ZNF525: variants seen among roughly 807,000 people sequenced by gnomAD.
The protein encoded by ZNF525 is zinc finger protein 525.
A neutral mutation model predicts 37.6 loss-of-function variants in ZNF525; 33 were observed. The ratio of observed to expected loss-of-function variants is 0.88; its 90% CI spans 0.67 to 1.17. ZNF525 has a LOEUF of 1.17. Ranked by LOEUF, ZNF525 falls within the 50% of genes most tolerant of loss-of-function variation. The pLI is 0.00. For missense variants in ZNF525, 449 were observed against 543.1 expected (o/e 0.83, Z 1.72); for synonymous variants, 170 against 182.3 (o/e 0.93, Z 0.54).
chr19:53,374,945 A>G (rs1568757842), intron 2 of ZNF525, among the ~76,000 whole-genome samples: 1 of 152,058 alleles, frequency 6.6e-6, no homozygotes, highest in Non-Finnish European at 1.5e-5. Context: ...GTGTGATCTT[A>G]GCTCACTGTA....
chr19:53,373,255 G>C (rs560279162), intron 2 of ZNF525, among the ~76,000 whole-genome samples: 1 of 152,148 alleles, frequency 6.6e-6, no homozygotes, highest in Non-Finnish European at 1.5e-5. Context: ...ACCATGCCAA[G>C]CTAATTTTGT....
Position 53,383,654 on chromosome 19 carries a change from C to A in ZNF525, c.*1635C>A. On this transcript the variant is annotated 3_prime_UTR_variant, in exon 4 of 4. Coordinates refer to ENST00000474037, the MANE Select transcript of ZNF525 (RefSeq NM_001348156.2). ...CCGTAGTGTAGGGAAACTTGACTAA[C>A]GTAATGATTCTCACAACGTCTTCAG... 1 of 916,198 alleles carries A rather than the reference C, an allele frequency of 1.1e-6. No individual in the cohort carries two copies. Among genetic ancestry groups the A allele is most frequent in the Non-Finnish European group, 1.6e-6 (1 of 610,406 alleles). The allele number at this position is 916,198 out of a possible 1,614,324, so 56.8% of individuals were successfully genotyped here.
chr19:53,366,540 GAA>G (rs57967171), intron 1 of ZNF525, among the ~76,000 whole-genome samples: 53,644 of 123,998 alleles, frequency 0.43, 12,540 homozygotes, highest in Non-Finnish European at 0.55. Flanking sequence ...CAGCAAAAGT[GAA>G]AAAAAAAAAA....
intron 1 of ZNF525, among the ~76,000 whole-genome samples, chr19:53,370,927 G>A (rs1022210206): frequency 1.3e-5 from 2 of 152,162 alleles, no homozygotes; most frequent in Non-Finnish European, 2.9e-5. Flanking sequence ...CCTCCTCCTG[G>A]GAGCTTGCCC....
chr19:53,380,835 T>C lies in ZNF525; in HGVS notation c.256T>C (p.Ser86Pro). The C allele has an allele frequency of 6.9e-7, 1 of 1,444,590 alleles. No homozygotes were observed. The highest frequency in any genetic ancestry group is 9.7e-7 in the Non-Finnish European group (1 of 1,025,650). 89.5% of individuals were successfully genotyped at this position (1,444,590 alleles called of 1,614,324 possible). The change falls in exon 4 of 4, where the codon TCC becomes CCC. Residue 86 changes from serine (S) to proline (P), a missense_variant. This residue lies in a region of ZNF525 where 271 missense variants were observed against 381.6 expected (regional missense o/e 0.71). Transcript: ENST00000474037. ...TGAACGTCATCACATTGGAGATTTT[T>C]CCTTCCAGGAAATTGAGAAAGATAT... ...RHERHHIGDF[S>P]FQEIEKDIHN... is the part of the protein sequence containing the mutation.
intron 3 of ZNF525, among the ~76,000 whole-genome samples, chr19:53,378,836 A>G (rs1270569408): frequency 6.6e-6 from 1 of 152,232 alleles, no homozygotes; most frequent in African/African-American, 2.4e-5. Context: ...CTATTGGAGA[A>G]TAAGAACTCT....
rs1404690880 is a variant in ZNF525, at chr19:53,383,430, C to T, written c.*1411C>T. 7 of 1,047,990 alleles carry T rather than the reference C, an allele frequency of 6.7e-6. No individual in the cohort carries two copies. Among genetic ancestry groups the T allele is most frequent in the South Asian group, 3.8e-5 (3 of 79,312 alleles). The allele number at this position is 1,047,990 out of a possible 1,614,324, so 64.9% of individuals were successfully genotyped here. ...TGAAGAATGTGACAAAGTTTACAGTCGCAAATCAAACCTCGAAAGACAGGA... is the reference window on the plus strand; with the variant it reads ...TGAAGAATGTGACAAAGTTTACAGTTGCAAATCAAACCTCGAAAGACAGGA... On this transcript the variant is annotated 3_prime_UTR_variant, in exon 4 of 4. Coordinates refer to ENST00000474037, the MANE Select transcript of ZNF525 (RefSeq NM_001348156.2).
intron 3 of ZNF525, among the ~76,000 whole-genome samples, chr19:53,378,568 G>T (rs2085537953): frequency 6.6e-6 from 1 of 152,116 alleles, no homozygotes; most frequent in South Asian, 2.1e-4. Flanking sequence ...TAAACTGGGA[G>T]GCTTAAGACA....
At position 53,381,539 on chromosome 19, in the gene ZNF525, TC is replaced by T; in HGVS notation, c.961del (p.His321IlefsTer55). 1.6e-6 allele frequency: 2 copies of T among 1,233,300 alleles called. No individual in the cohort carries two copies. Among genetic ancestry groups the T allele is most frequent in the South Asian group, 2.4e-5 (2 of 83,218 alleles). 76.4% of individuals were successfully genotyped at this position (1,233,300 alleles called of 1,614,324 possible). On this transcript the variant is annotated frameshift_variant, in exon 4 of 4. Coordinates refer to ENST00000474037, the MANE Select transcript of ZNF525 (RefSeq NM_001348156.2). LOFTEE classifies it high-confidence loss of function. ...CAGCCCTTCAAAGACATAGGAGAAT[TC>T]ATACTGGAGAGAAACCACATAAGTG... ...NSALQRHRRI[H>X]TGEKPHKCNE...
Position 53,380,802 on chromosome 19 carries a change from C to T in ZNF525, c.223C>T (p.Gln75Ter). 7.0e-7 allele frequency: 1 copy of T among 1,421,782 alleles called. No homozygotes were observed. Among genetic ancestry groups the T allele is most frequent in the Non-Finnish European group, 1.0e-6 (1 of 1,004,926 alleles). The allele number at this position is 1,421,782 out of a possible 1,614,324, so 88.1% of individuals were successfully genotyped here. The change falls in exon 4 of 4, where the codon CAA becomes TAA. Residue 75 changes from glutamine to a stop codon, truncating the protein, a stop_gained. Transcript: ENST00000474037. LOFTEE classifies it high-confidence loss of function. ...AGAAGTGATCCACACAGGGACATTG[C>T]AAAGACATGAACGTCATCACATTGG... Reference protein sequence around the residue: ...NTEVIHTGTLQRHERHHIGDF... With the variant: ...NTEVIHTGTL
chr19:53,380,623 A>C (rs755278523), intron 3 of ZNF525, 99 bp from the exon 4 acceptor site: 1 of 643,284 alleles, frequency 1.6e-6, no homozygotes, highest in Non-Finnish European at 2.6e-6. Context: ...TTTATTAAAG[A>C]ATCTTACGAT....
Position 53,380,992 on chromosome 19 carries a change from A to G in ZNF525, c.413A>G (p.Tyr138Cys), listed in dbSNP as rs1351919211. 1 of 1,587,894 alleles carries G rather than the reference A, an allele frequency of 6.3e-7. No individual in the cohort carries two copies. The highest frequency in any genetic ancestry group is 8.6e-7 in the Non-Finnish European group (1 of 1,156,126). ...CATGCTGGAAACAAGCCTATTAAAT[A>G]TCAGCTTGGATCAAGCTTTCATTCA... ...HRHAGNKPIK[Y>C]QLGSSFHSHL... The change falls in exon 4 of 4, where the codon TAT becomes TGT. Residue 138 changes from tyrosine to cysteine, a missense_variant. Physicochemically the swap from Tyr to Cys is radical, Grantham distance 194 (BLOSUM62 -2). Around this residue, in one of 2 missense-constraint regions of ZNF525, gnomAD observed 271 missense variants for 381.6 expected, o/e 0.71. Transcript: ENST00000474037.
At chr19:53,378,890 T>C (rs963266024) in intron 3 of ZNF525, among the ~76,000 whole-genome samples, 127 of 152,338 alleles carry the variant, frequency 8.3e-4, no homozygotes, top group African/African-American at 3.0e-3. Context: ...CCAGGGAGCC[T>C]GCATCATCTT....
chr19:53,372,307 A>G lies in ZNF525; in HGVS notation c.15+11A>G, dbSNP rs777327895. 2 of 788,714 alleles carry G rather than the reference A, an allele frequency of 2.5e-6. No individual in the cohort carries two copies. The highest frequency in any genetic ancestry group is 2.8e-5 in the South Asian group (2 of 72,194). 48.9% of individuals were successfully genotyped at this position (788,714 alleles called of 1,614,324 possible). On this transcript the variant is annotated intron_variant, in intron 2 of 3. Transcript: ENST00000474037. ...ATGGCTCTTCCTCAGGTGAGACGAT[A>G]TTCTCAGTGGATTGTTCTGTCTCCT... is the stretch of plus-strand genomic sequence containing the variant.
At position 53,383,029 on chromosome 19, in the gene ZNF525, T is replaced by C. The variant is rs1220706167; in HGVS notation, c.*1010T>C. ...AGGTTTTTAATCGCAAAGCAAAGCT[T>C]GCATGTCATCATAGACTTCATACTG... On this transcript the variant is annotated 3_prime_UTR_variant, in exon 4 of 4. Transcript: ENST00000474037. The C allele has an allele frequency of 4.1e-6, 6 of 1,481,412 alleles. No individual in the cohort carries two copies. The African/African-American group carries it at 7.0e-5, about 17-fold the overall frequency. 91.8% of individuals were successfully genotyped at this position (1,481,412 alleles called of 1,614,324 possible). A position where few individuals can be genotyped will look rare whatever the true frequency, so the allele number is the denominator to read the frequency against.
At chr19:53,368,048 T>G (rs542866980) in intron 1 of ZNF525, among the ~76,000 whole-genome samples, 94 of 101,706 alleles carry the variant, frequency 9.2e-4, no homozygotes, top group Non-Finnish European at 1.6e-3. Flanking sequence ...ATCTCTTTTG[T>G]TTTTTTTCTT....
rs1462944376 is a variant in ZNF525, at chr19:53,372,212, CAGG to C, written c.-67-1_-66del. 63 of 690,444 alleles carry C rather than the reference CAGG, an allele frequency of 9.1e-5. No individual in the cohort carries two copies. In the Admixed American group the frequency reaches 9.4e-4, roughly 10 times the overall value. The allele number at this position is 690,444 out of a possible 1,614,324, so 42.8% of individuals were successfully genotyped here. On this transcript the variant is annotated splice_acceptor_variant and 5_prime_UTR_variant, in exon 2 of 4. Transcript: ENST00000474037. LOFTEE classifies it low-confidence loss of function (5UTR_SPLICE). ...CAATAAACAACATATTTTTATCACT[CAGG>C]ATTGACATCTAAAGACTCTTGGTAC...
At chr19:53,379,033 A>G (rs1400045007) in intron 3 of ZNF525, among the ~76,000 whole-genome samples, 1 of 152,180 alleles carries the variant, frequency 6.6e-6, no homozygotes, top group Non-Finnish European at 1.5e-5. Flanking sequence ...ATGTATATAT[A>G]TATATAGAAT....
chr19:53,374,837 A>G (rs2085510836), intron 2 of ZNF525, among the ~76,000 whole-genome samples: 1 of 152,074 alleles, frequency 6.6e-6, no homozygotes, highest in Non-Finnish European at 1.5e-5. Flanking sequence ...AAATATATCT[A>G]TATAATGGAT....
Sources: gnomAD v4.1 joint callset for allele counts (sites outside exome capture counted in the v4.1 genomes callset) on GRCh38, gnomAD v4.1.1 for gene constraint, gnomAD v4.1.1 regional missense constraint, MANE v1.5 for transcripts, NCBI Gene and HGNC (gene_info 2026-07-23, HGNC 2026-07-21) for gene names.